Variants in DST observed in about 807,000 individuals in gnomAD.
DST encodes the protein bullous pemphigoid antigen.
DST carries 253 observed loss-of-function variants against 875.2 expected under a neutral mutation model. That is an observed-to-expected ratio of 0.29 (90% CI 0.26 to 0.32). The LOEUF is 0.32. Ranked by LOEUF, DST falls within the 10% of genes least tolerant of loss-of-function variation. The pLI is 1.00. For missense variants in DST, 8,287 were observed against 9,111.6 expected, an observed-to-expected ratio of 0.91 and a Z score of 3.68; for synonymous variants, 3,124 against 3,197.1, an observed-to-expected ratio of 0.98 and a Z score of 0.77.
chr6:56,560,225 A>G (rs2097515125), intron 58 of DST, 69 bp downstream of exon 58: 2 of 1,363,040 alleles, frequency 1.5e-6, no homozygotes, highest in Admixed American at 2.6e-5. Flanking sequence ...TTTCTGATAA[A>G]GATCATGATA....
intron 9 of DST, among the ~76,000 whole-genome samples, chr6:56,684,987 A>T (rs1034914061): frequency 1.8e-5 from 1 of 55,540 alleles, no homozygotes; most frequent in Admixed American, 1.8e-4. Context: ...AACAGCCCCC[A>T]CCCACCCCCC....
intron 90 of DST, among the ~76,000 whole-genome samples, chr6:56,478,067 A>T (rs762580650): frequency 6.6e-6 from 1 of 152,058 alleles, no homozygotes. Context: ...CAAAAAAATA[A>T]CTCTCCCAAA....
chr6:56,661,143 C>T (rs896155709), intron 10 of DST, among the ~76,000 whole-genome samples: 1 of 151,954 alleles, frequency 6.6e-6, no homozygotes, highest in Admixed American at 6.5e-5. Context: ...AATACACCCT[C>T]CCCAAAAAGG....
chr6:56,787,987 G>A (rs2099708470), intron 4 of DST, among the ~76,000 whole-genome samples: 1 of 151,436 alleles, frequency 6.6e-6, no homozygotes, highest in African/African-American at 2.4e-5. Flanking sequence ...AGGCATGGTG[G>A]CGGGCACCTG....
intron 22 of DST, 36 bp downstream of exon 22, chr6:56,639,223 A>G (rs2098858426): frequency 4.0e-6 from 6 of 1,490,308 alleles, no homozygotes; most frequent in East Asian, 4.5e-5. Flanking sequence ...AATCATATCA[A>G]TATTCAACCA....
intron 10 of DST, among the ~76,000 whole-genome samples, chr6:56,659,095 CT>C (rs746684858): frequency 3.3e-5 from 5 of 152,168 alleles, no homozygotes; most frequent in Non-Finnish European, 7.4e-5. Context: ...ATGATCAGAT[CT>C]GGGGGTGGAC....
chr6:56,817,063 A>C (rs1036732012), intron 4 of DST, among the ~76,000 whole-genome samples: 4 of 151,376 alleles, frequency 2.6e-5, no homozygotes, highest in African/African-American at 9.7e-5. Context: ...TAGTGAGATA[A>C]ATGGGTGTAG....
At chr6:56,687,557 C>T (rs1419110073) in intron 9 of DST, among the ~76,000 whole-genome samples, 2 of 151,954 alleles carry the variant, frequency 1.3e-5, no homozygotes, top group East Asian at 1.9e-4. Context: ...GGTGCCTGCC[C>T]CACAGTGAAT....
At chr6:56,676,591 T>C (rs1391768656) in intron 9 of DST, among the ~76,000 whole-genome samples, 5 of 151,988 alleles carry the variant, frequency 3.3e-5, no homozygotes, top group Admixed American at 2.6e-4. Flanking sequence ...TAATGCAGCA[T>C]TATTCACAAT....
intron 3 of DST, among the ~76,000 whole-genome samples, chr6:56,853,096 T>A (rs906554861): frequency 1.3e-5 from 2 of 152,220 alleles, no homozygotes; most frequent in Non-Finnish European, 2.9e-5. Flanking sequence ...TCACGTAATA[T>A]TTCCCACAAA....
chr6:56,742,201 AG>A (rs2152938925), intron 4 of DST: 1 of 982,998 alleles, frequency 1.0e-6, no homozygotes, highest in South Asian at 1.3e-5. Flanking sequence ...TGCAAACCAA[AG>A]CAGGTAGTGC....
At chr6:56,676,227 T>A (rs1174247348) in intron 9 of DST, among the ~76,000 whole-genome samples, 2 of 152,106 alleles carry the variant, frequency 1.3e-5, no homozygotes, top group African/African-American at 2.4e-5. Flanking sequence ...CCACCACACC[T>A]GGGTAATTTT....
intron 51 of DST, among the ~76,000 whole-genome samples, chr6:56,573,297 T>C (rs1361407616): frequency 6.6e-6 from 1 of 152,202 alleles, no homozygotes; most frequent in Non-Finnish European, 1.5e-5. Flanking sequence ...AGGAGGCTGC[T>C]GCTACTCAGC....
chr6:56,770,031 C>T (rs1034152495), intron 4 of DST, among the ~76,000 whole-genome samples: 1 of 152,140 alleles, frequency 6.6e-6, no homozygotes, highest in African/African-American at 2.4e-5. Context: ...TATTGATGTT[C>T]CTTTGCTGAC....
chr6:56,831,445 C>A (rs2099786855), intron 4 of DST, among the ~76,000 whole-genome samples: 1 of 152,096 alleles, frequency 6.6e-6, no homozygotes, highest in African/African-American at 2.4e-5. Flanking sequence ...CTGTCTGCAC[C>A]ATCCACCCAC....
At chr6:56,477,209 C>T (rs773047057) in intron 91 of DST, 136 bp downstream of exon 91, 18 of 930,994 alleles carry the variant, frequency 1.9e-5, no homozygotes, top group Non-Finnish European at 2.8e-5. Context: ...ATACAAGAAG[C>T]GTATTTAAAA....
At chr6:56,767,165 C>T (rs1400675813) in intron 4 of DST, among the ~76,000 whole-genome samples, 1 of 152,214 alleles carries the variant, frequency 6.6e-6, no homozygotes, top group Non-Finnish European at 1.5e-5. Context: ...AATGCTCTAT[C>T]AGTCTCAACT....
chr6:56,674,920 T>G (rs1374217045), intron 9 of DST, among the ~76,000 whole-genome samples: 2 of 152,180 alleles, frequency 1.3e-5, no homozygotes, highest in African/African-American at 2.4e-5. Context: ...ATCCTTCAAT[T>G]TGAATGGAAC....
chr6:56,627,799 T>C (rs2098747425), intron 33 of DST, among the ~76,000 whole-genome samples, 200 bp downstream of exon 33: 1 of 152,196 alleles, frequency 6.6e-6, no homozygotes. Context: ...TGATTACCCA[T>C]GCTTTCAAAA....
Sources: gnomAD v4.1 joint callset for allele counts (sites outside exome capture counted in the v4.1 genomes callset) on GRCh38, gnomAD v4.1.1 for gene constraint, MANE v1.5 for transcripts, NCBI Gene and HGNC (gene_info 2026-07-23, HGNC 2026-07-21) for gene names.